The following SAMD5 variants were observed in gnomAD, a reference collection of about 807,000 sequenced individuals.
SAMD5 encodes sterile alpha motif domain containing 5.
A neutral mutation model predicts 11.3 loss-of-function variants in SAMD5; 13 were observed. The ratio of observed to expected loss-of-function variants is 1.15; its 90% confidence interval spans 0.75 to 1.83. The LOEUF (loss-of-function observed/expected upper bound fraction) is 1.83. Among genes scored for constraint, SAMD5 ranks in the 40% most tolerant of loss-of-function variants. The pLI is 0.00. For missense variants in SAMD5, 255 were observed against 239.1 expected (o/e 1.07, Z -0.44); for synonymous variants, 129 against 111.3 (o/e 1.16, Z -1.00).
Position 147,582,325 on chromosome 6 carries a change from A to AC in SAMD5, c.162+72945dup, listed in dbSNP as rs1162670616. The stretch of plus-strand genomic sequence containing the variant: ...GAGGTTGCAATGAGCTGAGATCCGC[A>AC]CCCCCCCACCAAAAAAAAAAAAGGA... On this transcript the variant is annotated intron_variant, in intron 1 of 1. Transcript: ENST00000566741. 9.5e-4 allele frequency among the ~76,000 whole-genome samples: 96 copies of AC among 101,112 alleles called. 1 individual carries two copies. Among genetic ancestry groups the AC allele is most frequent in the Admixed American group, 2.4e-3 (20 of 8,434 alleles). The allele number at this position is 101,112 out of a possible 152,430, so 66.3% of individuals were successfully genotyped here.
intron 1 of SAMD5, among the ~76,000 whole-genome samples, chr6:147,525,916 C>T (rs887063664): frequency 1.3e-5 from 2 of 152,188 alleles, no homozygotes; most frequent in African/African-American, 4.8e-5. Context: ...TGACATCAAT[C>T]TCCAAACTAA....
chr6:147,931,357 C>A, the SAMD5 span, among the ~76,000 whole-genome samples: 1 of 152,116 alleles, frequency 6.6e-6, no homozygotes, highest in African/African-American at 2.4e-5. Flanking sequence ...CAGCTCTCTC[C>A]TTCAAACATA....
At chr6:147,947,820 T>C in the SAMD5 span, among the ~76,000 whole-genome samples, 1 of 152,212 alleles carries the variant, frequency 6.6e-6, no homozygotes, top group African/African-American at 2.4e-5. Flanking sequence ...TTCTTTTACT[T>C]CTTTCTGCCT....
At chr6:147,589,542 C>T (rs1002460713) in intron 1 of SAMD5, among the ~76,000 whole-genome samples, 1 of 152,082 alleles carries the variant, frequency 6.6e-6, no homozygotes, top group South Asian at 2.1e-4. Context: ...AGCAGGCTAG[C>T]CAGCCTCTCC....
At chr6:147,921,274 A>AACGCACACAC in the SAMD5 span, among the ~76,000 whole-genome samples, 1 of 140,978 alleles carries the variant, frequency 7.1e-6, no homozygotes. Context: ...GAGAGTATAA[A>AACGCACACAC]ACACACACAC....
At chr6:147,823,554 C>CT in the SAMD5 span, among the ~76,000 whole-genome samples, 1 of 152,164 alleles carries the variant, frequency 6.6e-6, no homozygotes, top group Non-Finnish European at 1.5e-5. Flanking sequence ...TACAGCAAAC[C>CT]AGCATGGCAT....
At chr6:147,860,133 G>C in the SAMD5 span, among the ~76,000 whole-genome samples, 1 of 152,120 alleles carries the variant, frequency 6.6e-6, no homozygotes, top group East Asian at 1.9e-4. Context: ...GAAGGCTCCA[G>C]GGGAGGATCC....
chr6:147,528,865 A>T (rs796348283), intron 1 of SAMD5, among the ~76,000 whole-genome samples: 7 of 152,340 alleles, frequency 4.6e-5, no homozygotes, highest in African/African-American at 1.7e-4. Context: ...CATGGCATTT[A>T]TTAGAGAATA....
At chr6:147,666,775 G>A (rs1790728171) in intron 1 of SAMD5, among the ~76,000 whole-genome samples, 1 of 152,128 alleles carries the variant, frequency 6.6e-6, no homozygotes, top group African/African-American at 2.4e-5. Context: ...ATCCCAAGCC[G>A]GAAAAAGTCC....
chr6:147,836,372 A>G, the SAMD5 span, among the ~76,000 whole-genome samples: 1 of 152,148 alleles, frequency 6.6e-6, no homozygotes, highest in African/African-American at 2.4e-5. Context: ...TAAATCCATT[A>G]TAGATGCTCC....
At chr6:147,643,339 T>C (rs745644860) in intron 1 of SAMD5, among the ~76,000 whole-genome samples, 6 of 152,196 alleles carry the variant, frequency 3.9e-5, no homozygotes, top group Non-Finnish European at 5.9e-5. Flanking sequence ...CTTTCAATCA[T>C]GTGGGTAGAT....
chr6:147,646,656 T>G (rs538612332), intron 1 of SAMD5, among the ~76,000 whole-genome samples: 2 of 152,336 alleles, frequency 1.3e-5, no homozygotes, highest in South Asian at 4.1e-4. Flanking sequence ...TTCAGAATTA[T>G]TTCTTTTAGA....
chr6:147,673,783 AGT>A, intron 1 of SAMD5, among the ~76,000 whole-genome samples: 1 of 152,282 alleles, frequency 6.6e-6, no homozygotes, highest in Admixed American at 6.5e-5. Context: ...CTATATCTAG[AGT>A]GTTGTCAATA....
At chr6:147,716,827 T>C (rs1791475877) in intron 1 of SAMD5, among the ~76,000 whole-genome samples, 1 of 152,208 alleles carries the variant, frequency 6.6e-6, no homozygotes, top group Non-Finnish European at 1.5e-5. Flanking sequence ...AAAGTCAAGT[T>C]CTGAGTTTTC....
At chr6:147,934,657 T>TCG in the SAMD5 span, among the ~76,000 whole-genome samples, 451 of 151,704 alleles carry the variant, frequency 3.0e-3, 4 homozygotes, top group African/African-American at 0.011. Context: ...TGAGAGAGGA[T>TCG]TGAGAGAGAG....
chr6:147,692,298 T>G (rs1400851790), intron 1 of SAMD5: 1 of 152,198 alleles, frequency 6.6e-6, no homozygotes, highest in Non-Finnish European at 1.5e-5. Flanking sequence ...TCCCTCATGA[T>G]GCAATTAAAT....
chr6:147,769,014 G>A, the SAMD5 span, among the ~76,000 whole-genome samples: 3 of 152,102 alleles, frequency 2.0e-5, no homozygotes, highest in African/African-American at 7.2e-5. Context: ...GGTTGGTCTC[G>A]AACTCCTGAC....
chr6:147,570,607 G>C (rs192759528), downstream of SAMD5, among the ~76,000 whole-genome samples: 1 of 151,550 alleles, frequency 6.6e-6, no homozygotes, highest in African/African-American at 2.4e-5. Flanking sequence ...ACAGTGTTTT[G>C]GGTTTTATAT....
chr6:147,795,261 C>T, the SAMD5 span, among the ~76,000 whole-genome samples: 7 of 140,806 alleles, frequency 5.0e-5, no homozygotes, highest in East Asian at 2.2e-4. Flanking sequence ...TTCCCCTTCC[C>T]GTGTCCATGT....
Sources: allele counts gnomAD v4.1 joint callset (sites outside exome capture counted in the v4.1 genomes callset), GRCh38; gene constraint gnomAD v4.1.1; transcripts MANE v1.5; gene names NCBI Gene and HGNC (gene_info 2026-07-23, HGNC 2026-07-21).